The following MTRR variants were observed in gnomAD, a reference collection of about 807,000 sequenced individuals.
The protein encoded by MTRR is methionine synthase reductase.
In MTRR, 63 loss-of-function variants were observed where a neutral mutation model predicts 79.2. The observed-to-expected ratio is 0.80, with a 90% CI of 0.65 to 0.98. The LOEUF (loss-of-function observed/expected upper bound fraction) is 0.98. Ranked by LOEUF, MTRR falls within the 50% of genes least tolerant of loss-of-function variation. The probability of loss-of-function intolerance (pLI) is 0.00; values close to 1 mark genes in which losing one functional copy is unlikely to be tolerated. For synonymous variants in MTRR, 355 were observed against 313.3 expected (o/e 1.13, Z -1.41); for missense variants, 895 against 839.6 (o/e 1.07, Z -0.82).
chr5:7,860,028 A>T (rs983189788), intron 1 of MTRR, among the ~76,000 whole-genome samples: 2 of 152,206 alleles, frequency 1.3e-5, no homozygotes, highest in African/African-American at 2.4e-5. Flanking sequence ...GAGTCTGCTC[A>T]GCTGGGAGCA....
At position 7,900,689 on chromosome 5, in the gene MTRR, A is replaced by G. The variant is rs1409561412; in HGVS notation, c.*631A>G. ...ATGTATTTTAAAATTTCACTCTGGC[A>G]TATGATTTATCTATCACCATTACTT... On this transcript the variant is annotated 3_prime_UTR_variant, in exon 15 of 15. Coordinates refer to ENST00000440940, the MANE Select transcript of MTRR (RefSeq NM_002454.3). 1 of 152,924 alleles carries G rather than the reference A, an allele frequency of 6.5e-6. No individual in the cohort carries two copies. Among genetic ancestry groups the G allele is most frequent in the Non-Finnish European group, 1.5e-5 (1 of 68,234 alleles). The allele number at this position is 152,924 out of a possible 1,614,324, so 9.5% of individuals were successfully genotyped here. A position where few individuals can be genotyped will look rare whatever the true frequency, so the allele number is the denominator to read the frequency against.
Position 7,891,443 on chromosome 5 carries a change from G to C in MTRR, c.1370+29G>C, listed in dbSNP as rs748087736. On this transcript the variant is annotated intron_variant, in intron 10 of 14. Transcript: ENST00000440940. Reference sequence around the variant, plus strand: ...CTACTATTTATTCACGTAATATATAGCATTGTTTCTCCAAAATCTTAGACT... The same window carrying C: ...CTACTATTTATTCACGTAATATATACCATTGTTTCTCCAAAATCTTAGACT... 5.1e-6 allele frequency: 8 copies of C among 1,583,262 alleles called. No homozygotes were observed. The South Asian group carries it at 8.9e-5, about 18-fold the overall frequency.
chr5:7,859,039 T>C (rs181659296), intron 1 of MTRR: 1 of 153,144 alleles, frequency 6.5e-6, no homozygotes, highest in East Asian at 1.9e-4. Context: ...CTCCTTTTCC[T>C]TACGGTAAAT....
chr5:7,869,348 G>C, intron 1 of MTRR, 133 bp downstream of exon 1: 1 of 964,684 alleles, frequency 1.0e-6, no homozygotes, highest in African/African-American at 1.6e-5. Flanking sequence ...GGCCTCCGGG[G>C]GTCGCCGCGG....
chr5:7,892,971 A>T, intron 11 of MTRR, 58 bp downstream of exon 11: 1 of 1,538,912 alleles, frequency 6.5e-7, no homozygotes, highest in Non-Finnish European at 8.9e-7. Context: ...GTTTCATTAG[A>T]AAAAACAGTG....
chr5:7,877,045 C>G (rs1362758591), intron 4 of MTRR, among the ~76,000 whole-genome samples: 1 of 152,212 alleles, frequency 6.6e-6, no homozygotes, highest in East Asian at 1.9e-4. Context: ...TGAGCACCTC[C>G]CGAGCACAGT....
At chr5:7,894,728 A>C (rs3776458) in intron 11 of MTRR, among the ~76,000 whole-genome samples, 6,232 of 152,270 alleles carry the variant, frequency 0.041, 259 homozygotes, top group East Asian at 0.19. Flanking sequence ...GACATTGGGA[A>C]GTCATTACCC....
At chr5:7,899,427 T>C (rs1739106963) in intron 14 of MTRR, among the ~76,000 whole-genome samples, 1 of 152,164 alleles carries the variant, frequency 6.6e-6, no homozygotes, top group Non-Finnish European at 1.5e-5. Context: ...AGTTAAGATG[T>C]AGAAGCACTT....
intron 11 of MTRR, among the ~76,000 whole-genome samples, chr5:7,893,979 A>G (rs890563837): frequency 1.3e-5 from 2 of 152,180 alleles, no homozygotes; most frequent in Non-Finnish European, 2.9e-5. Flanking sequence ...ACTGATATAC[A>G]AGTATATGTC....
At chr5:7,882,751 C>T (rs1735774208) in intron 5 of MTRR, among the ~76,000 whole-genome samples, 1 of 151,370 alleles carries the variant, frequency 6.6e-6, no homozygotes, top group African/African-American at 2.4e-5. Flanking sequence ...ACAGCATTGC[C>T]CCACACTAGG....
chr5:7,854,613 A>C (rs143311004), intron 1 of MTRR, among the ~76,000 whole-genome samples: 475 of 152,296 alleles, frequency 3.1e-3, no homozygotes, highest in African/African-American at 0.011. Context: ...TGATAAAACT[A>C]TCAGATCTCA....
chr5:7,895,665 G>T, intron 11 of MTRR, 69 bp from the exon 12 acceptor site: 1 of 1,584,198 alleles, frequency 6.3e-7, no homozygotes, highest in Non-Finnish European at 8.7e-7. Context: ...GTTTAGCAAA[G>T]ATCATCTTGA....
At chr5:7,899,264 C>G (rs1297178075) in intron 14 of MTRR, among the ~76,000 whole-genome samples, 3 of 152,128 alleles carry the variant, frequency 2.0e-5, no homozygotes, top group Admixed American at 6.5e-5. Flanking sequence ...CAAACTGGAT[C>G]AGAGGATAAG....
At chr5:7,871,366 T>A (rs1299324943) in intron 2 of MTRR, among the ~76,000 whole-genome samples, 2 of 152,190 alleles carry the variant, frequency 1.3e-5, no homozygotes, top group Admixed American at 6.5e-5. Context: ...GAATTTAAAG[T>A]AGTAGTGTAA....
At chr5:7,888,305 TAA>T (rs1736962398) in intron 8 of MTRR, among the ~76,000 whole-genome samples, 1 of 152,380 alleles carries the variant, frequency 6.6e-6, no homozygotes, top group African/African-American at 2.4e-5. Flanking sequence ...TGTAGTACCA[TAA>T]AGTTTTTGTA....
intron 6 of MTRR, chr5:7,885,125 A>G (rs1736201653): frequency 6.2e-6 from 1 of 160,054 alleles, no homozygotes; most frequent in Non-Finnish European, 1.4e-5. Context: ...TGGGCCTAGT[A>G]ATAGACTTGA....
chr5:7,871,819 C>G (rs1748047099), intron 2 of MTRR, among the ~76,000 whole-genome samples: 1 of 152,208 alleles, frequency 6.6e-6, no homozygotes, highest in Non-Finnish European at 1.5e-5. Context: ...GACTGCCAGT[C>G]AGCAGACTCT....
chr5:7,890,702 C>T (rs927750448), intron 9 of MTRR, among the ~76,000 whole-genome samples: 15 of 152,042 alleles, frequency 9.9e-5, no homozygotes, highest in Non-Finnish European at 2.1e-4. Context: ...TTCATATTTT[C>T]AATTAAGTAA....
chr5:7,852,932 A>G (rs916224353), intron 1 of MTRR, among the ~76,000 whole-genome samples: 7 of 152,216 alleles, frequency 4.6e-5, no homozygotes, highest in African/African-American at 1.7e-4. Context: ...TGAGACCGAG[A>G]TAATTTCTTA....
Sources: allele counts gnomAD v4.1 joint callset (sites outside exome capture counted in the v4.1 genomes callset), GRCh38; gene constraint gnomAD v4.1.1; transcripts MANE v1.5; gene names NCBI Gene and HGNC (gene_info 2026-07-23, HGNC 2026-07-21).